The following AMHR2 variants were observed in gnomAD, a reference collection of about 807,000 sequenced individuals.
AMHR2 encodes anti-Mullerian hormone receptor type 2.
Under a neutral mutation model 61.4 loss-of-function variants are expected in AMHR2, and 36 were observed. The observed-to-expected ratio is 0.59, with a 90% CI of 0.45 to 0.77. AMHR2 has a LOEUF of 0.77. Ranked by LOEUF, AMHR2 falls within the 30% of genes least tolerant of loss-of-function variation. The pLI is 0.00. For synonymous variants in AMHR2, 258 were observed against 279.4 expected, an observed-to-expected ratio of 0.92 and a Z score of 0.76; for missense variants, 638 against 714.6, an observed-to-expected ratio of 0.89 and a Z score of 1.22.
intron 4 of AMHR2, 75 bp downstream of exon 4, chr12:53,425,317 C>G (rs1327561873): frequency 1.2e-6 from 2 of 1,608,148 alleles, no homozygotes; most frequent in South Asian, 2.2e-5. Flanking sequence ...TCCAGGCACC[C>G]CTGACCCCAT....
chr12:53,425,833 C>A lies in AMHR2; in HGVS notation c.766C>A (p.His256Asn). Residue 256 changes from histidine to asparagine, a missense_variant, in exon 6 of 11, where the codon CAC becomes AAC. Transcript: ENST00000257863. ...LYELPGLQHD[H>N]IVRFITASRG... ...CGAACTTCCAGGCCTACAGCACGACCACATTGTCCGATTTATCACTGCCAG... is the reference window on the plus strand; with the variant it reads ...CGAACTTCCAGGCCTACAGCACGACAACATTGTCCGATTTATCACTGCCAG... The A allele has an allele frequency of 2.5e-6, 4 of 1,614,128 alleles. No homozygotes were observed. Among genetic ancestry groups the A allele is most frequent in the Non-Finnish European group, 3.4e-6 (4 of 1,180,028 alleles).
chr12:53,424,642 C>T, intron 2 of AMHR2, 67 bp from the exon 3 acceptor site: 1 of 1,554,980 alleles, frequency 6.4e-7, no homozygotes, highest in Non-Finnish European at 8.8e-7. Flanking sequence ...CCTCTGTTTC[C>T]ACACCCCATT....
chr12:53,424,596 G>C, intron 2 of AMHR2, 113 bp from the exon 3 acceptor site: 1 of 1,540,976 alleles, frequency 6.5e-7, no homozygotes, highest in Non-Finnish European at 8.9e-7. Flanking sequence ...GCCCATGAGA[G>C]CTGGAAGGGA....
intron 7 of AMHR2, 71 bp downstream of exon 7, chr12:53,429,081 G>C: frequency 7.4e-7 from 1 of 1,352,188 alleles, no homozygotes; most frequent in East Asian, 2.5e-5. Context: ...TAGTTTGGAG[G>C]GGAAAGATTG....
At chr12:53,428,212 C>T (rs1939786172) in intron 6 of AMHR2, among the ~76,000 whole-genome samples, 1 of 152,120 alleles carries the variant, frequency 6.6e-6, no homozygotes, top group Non-Finnish European at 1.5e-5. Context: ...TATCTCTTAC[C>T]TTCCCTGAGC....
At chr12:53,429,095 C>G in intron 7 of AMHR2, 85 bp downstream of exon 7, 1 of 1,292,914 alleles carries the variant, frequency 7.7e-7, no homozygotes. Flanking sequence ...AAGATTGGGT[C>G]AAAAGAGGGA....
At chr12:53,425,096 A>T (rs1939437909) in intron 3 of AMHR2, 69 bp from the exon 4 acceptor site, 2 of 1,608,010 alleles carry the variant, frequency 1.2e-6, no homozygotes, top group Non-Finnish European at 1.7e-6. Flanking sequence ...GCAAGCTCTC[A>T]GGAGGGGAAG....
intron 10 of AMHR2, chr12:53,430,657 A>G (rs1379140474): frequency 2.6e-6 from 1 of 384,486 alleles, no homozygotes; most frequent in Non-Finnish European, 4.9e-6. Flanking sequence ...AAGCCCAAAA[A>G]TCAATTCAAT....
chr12:53,425,960 G>A (rs1939544706), intron 6 of AMHR2, 41 bp downstream of exon 6: 1 of 1,580,010 alleles, frequency 6.3e-7, no homozygotes, highest in African/African-American at 1.3e-5. Context: ...GTGTGCCTGT[G>A]TGTATGTATA....
rs1298608708 is a variant in AMHR2, at chr12:53,423,917, C to T, written c.-18C>T. On this transcript the variant is annotated 5_prime_UTR_variant, in exon 1 of 11. Coordinates refer to ENST00000257863, the MANE Select transcript of AMHR2 (RefSeq NM_020547.3). Reference sequence around the variant, plus strand: ...GGCTTATGCTCTTCTCCTTCTGCTGCTGCCATCCTCCAGCAAGATGCTAGG... The same window carrying T: ...GGCTTATGCTCTTCTCCTTCTGCTGTTGCCATCCTCCAGCAAGATGCTAGG... 6.2e-7 allele frequency: 1 copy of T among 1,613,954 alleles called. No individual in the cohort carries two copies. The highest frequency in any genetic ancestry group is 8.5e-7 in the Non-Finnish European group (1 of 1,179,976).
chr12:53,425,249 A>C lies in AMHR2; in HGVS notation c.502+7A>C, dbSNP rs777668768. 1.2e-6 allele frequency: 2 copies of C among 1,612,870 alleles called. No homozygotes were observed. Among genetic ancestry groups the C allele is most frequent in the South Asian group, 2.2e-5 (2 of 91,052 alleles). ...CTGGGCAGCATCATCTTGGGTACTAATCCACCCCATCCCTCCCTTGTGACC... is the reference window on the plus strand; with the variant it reads ...CTGGGCAGCATCATCTTGGGTACTACTCCACCCCATCCCTCCCTTGTGACC... On this transcript the variant is annotated splice_region_variant and intron_variant, in intron 4 of 10. Transcript: ENST00000257863.
chr12:53,424,473 G>C lies in AMHR2; in HGVS notation c.232+3G>C, dbSNP rs372045156. The stretch of plus-strand genomic sequence containing the variant: ...CCGGGCACAGGTGGAAATGCAAGGT[G>C]AATGGCAAAGTATATGGCAGGTGAT... On this transcript the variant is annotated splice_donor_region_variant and intron_variant, in intron 2 of 10. Coordinates refer to ENST00000257863, the MANE Select transcript of AMHR2 (RefSeq NM_020547.3). 3.7e-6 allele frequency: 6 copies of C among 1,612,318 alleles called. No homozygotes were observed. Among genetic ancestry groups the C allele is most frequent in the Non-Finnish European group, 4.2e-6 (5 of 1,179,268 alleles).
Position 53,424,376 on chromosome 12 carries a change from C to T in AMHR2, c.138C>T (p.Gly46=), listed in dbSNP as rs1202834274. 1 of 1,613,496 alleles carries T rather than the reference C, an allele frequency of 6.2e-7. No individual in the cohort carries two copies. The highest frequency in any genetic ancestry group is 2.2e-5 in the East Asian group (1 of 44,894). Residue 46 remains glycine (G), a synonymous_variant, in exon 2 of 11, where the codon GGC becomes GGT. Coordinates refer to ENST00000257863, the MANE Select transcript of AMHR2 (RefSeq NM_020547.3). ...CACTGGGAGAGCTGCTAGATACAGG[C>T]ACAGAGCTCCCCAGAGCTATCCGCT... ...TKTLGELLDT[G]TELPRAIRCL...
At chr12:53,429,126 C>T in intron 7 of AMHR2, 116 bp downstream of exon 7, 1 of 999,666 alleles carries the variant, frequency 1.0e-6, no homozygotes, top group Non-Finnish European at 1.5e-6. Flanking sequence ...GGCACGGTGG[C>T]TCACGCCTAT....
rs750370851 is a variant in AMHR2 at position 53,424,876 on chromosome 12, TCC to T, written c.402_403del (p.Gln135GlyfsTer8). On this transcript the variant is annotated frameshift_variant, in exon 3 of 11. Coordinates refer to ENST00000257863, the MANE Select transcript of AMHR2 (RefSeq NM_020547.3). LOFTEE classifies it high-confidence loss of function. The part of the protein sequence containing the change: ...PPPGSPGTPG[S>X]QGPQAAPGES... ...TCCAGGGAGCCCTGGGACTCCTGGC[TCC>T]CAGGGTCCCCAGGCTGCCCCAGGTA... 14 of 1,612,608 alleles carry T rather than the reference TCC, an allele frequency of 8.7e-6. No individual in the cohort carries two copies. In the African/African-American group the frequency reaches 1.9e-4, roughly 22 times the overall value.
chr12:53,427,873 T>C (rs2136959089), intron 6 of AMHR2, among the ~76,000 whole-genome samples: 1 of 152,290 alleles, frequency 6.6e-6, no homozygotes, highest in African/African-American at 2.4e-5. Flanking sequence ...TACCCCTCCA[T>C]CAGGACTGTG....
chr12:53,428,747 C>T (rs1592602081), intron 6 of AMHR2, 149 bp from the exon 7 acceptor site: 10 of 703,042 alleles, frequency 1.4e-5, no homozygotes, highest in South Asian at 3.0e-5. Context: ...CAGTCTTACT[C>T]CTCTACCTAT....
At position 53,424,699 on chromosome 12, in the gene AMHR2, A is replaced by T; in HGVS notation, c.233-10A>T. The stretch of plus-strand genomic sequence containing the variant: ...CTTTCTCTCCTCTTCCCCTAATCCC[A>T]TCCCATCAGGATGCCGAGACAGTGA... On this transcript the variant is annotated splice_polypyrimidine_tract_variant and intron_variant, in intron 2 of 10. Coordinates refer to ENST00000257863, the MANE Select transcript of AMHR2 (RefSeq NM_020547.3). The T allele has an allele frequency of 6.2e-7, 1 of 1,612,602 alleles. No individual in the cohort carries two copies. The highest frequency in any genetic ancestry group is 2.2e-5 in the East Asian group (1 of 44,842).
intron 6 of AMHR2, among the ~76,000 whole-genome samples, chr12:53,427,922 C>T (rs759486388): frequency 6.6e-6 from 1 of 152,214 alleles, no homozygotes; most frequent in African/African-American, 2.4e-5. Context: ...CCACAACTCA[C>T]TTTGCCCTAT....
Sources: allele counts gnomAD v4.1 joint callset (sites outside exome capture counted in the v4.1 genomes callset), GRCh38; gene constraint gnomAD v4.1.1; transcripts MANE v1.5; gene names NCBI Gene and HGNC (gene_info 2026-07-23, HGNC 2026-07-21).